Variants in TAF2 observed in about 807,000 individuals in gnomAD.
The protein encoded by TAF2 is transcription initiation factor TFIID subunit 2.
Under a neutral mutation model 138.5 loss-of-function variants are expected in TAF2, and 61 were observed. That is an observed-to-expected ratio of 0.44 (90% CI 0.36 to 0.54). TAF2 has a LOEUF of 0.54. TAF2 is among the 20% of genes least tolerant of loss of function. The pLI, the probability that TAF2 is intolerant of heterozygous loss-of-function variation, is 0.00. For missense variants in TAF2, 1,090 were observed against 1,427.9 expected, an observed-to-expected ratio of 0.76 and a Z score of 3.81; for synonymous variants, 475 against 469.9, an observed-to-expected ratio of 1.01 and a Z score of -0.14.
At chr8:119,827,361 A>G (rs1251743943) in intron 2 of TAF2, among the ~76,000 whole-genome samples, 3 of 152,178 alleles carry the variant, frequency 2.0e-5, no homozygotes, top group Admixed American at 6.5e-5. Context: ...TTCTCTCACC[A>G]TCCTTTATCT....
At chr8:119,757,961 G>C (rs549266777) in intron 21 of TAF2, 112 bp downstream of exon 21, 1 of 883,058 alleles carries the variant, frequency 1.1e-6, no homozygotes, top group African/African-American at 1.7e-5. Context: ...AAATGCAAAA[G>C]ATATTCCCAT....
In TAF2 at chr8:119,756,084, G is replaced by A; in HGVS notation, c.2800C>T (p.Pro934Ser). Residue 934 changes from proline (P) to serine (S), a missense_variant, in exon 22 of 26, where the codon CCA (proline) becomes TCA (serine). By Grantham distance (74) the Pro-to-Ser change is moderately conservative (BLOSUM62 -1). Around this residue, in one of 3 missense-constraint regions of TAF2, gnomAD observed 580 missense variants for 719.6 expected, o/e 0.81. Coordinates refer to ENST00000378164, the MANE Select transcript of TAF2 (RefSeq NM_003184.4). ...GACTCCATGTTCTTAGTAAATGGTGGGTTCTTAGTCAACATGTTGAGAATC... is the reference window on the plus strand; with the variant it reads ...GACTCCATGTTCTTAGTAAATGGTGAGTTCTTAGTCAACATGTTGAGAATC... ...HKILNMLTKN[P>S]PFTKNMESPL... 6.2e-7 allele frequency: 1 copy of A among 1,613,434 alleles called. No individual in the cohort carries two copies. Among genetic ancestry groups the A allele is most frequent in the African/African-American group, 1.3e-5 (1 of 74,966 alleles).
chr8:119,798,378 ACT>A (rs1823982286), intron 6 of TAF2, among the ~76,000 whole-genome samples: 1 of 152,122 alleles, frequency 6.6e-6, no homozygotes, highest in South Asian at 2.1e-4. Flanking sequence ...AGAAATAGTA[ACT>A]CTGTTTTTTT....
At chr8:119,781,369 C>T (rs549358902) in intron 16 of TAF2, among the ~76,000 whole-genome samples, 176 bp from the exon 17 acceptor site, 88 of 152,230 alleles carry the variant, frequency 5.8e-4, no homozygotes, top group South Asian at 2.5e-3. Context: ...ATTATACAAA[C>T]TCACCCTGCA....
intron 25 of TAF2, among the ~76,000 whole-genome samples, chr8:119,741,107 T>G (rs1819577240): frequency 6.6e-6 from 1 of 151,838 alleles, no homozygotes; most frequent in African/African-American, 2.4e-5. Context: ...AAGAAAGAAC[T>G]GAAAAAAAGT....
chr8:119,744,561 T>A, intron 23 of TAF2, 168 bp from the exon 24 acceptor site: 1 of 657,056 alleles, frequency 1.5e-6, no homozygotes, highest in South Asian at 1.8e-5. Context: ...AAGAAAAGAT[T>A]ATGTGGTCCA....
At chr8:119,773,345 T>A (rs1364175041) in intron 18 of TAF2, among the ~76,000 whole-genome samples, 1 of 151,560 alleles carries the variant, frequency 6.6e-6, no homozygotes. Context: ...AAAGTTGATA[T>A]ACTTTCCATA....
intron 22 of TAF2, among the ~76,000 whole-genome samples, chr8:119,753,384 G>A (rs1044973165): frequency 6.6e-6 from 1 of 151,994 alleles, no homozygotes; most frequent in African/African-American, 2.4e-5. Flanking sequence ...CAAAGGTTCA[G>A]GCTTGGAAAG....
chr8:119,774,476 TG>T (rs1410997086), intron 18 of TAF2, among the ~76,000 whole-genome samples: 2 of 72,906 alleles, frequency 2.7e-5, no homozygotes, highest in African/African-American at 1.2e-4. Flanking sequence ...TAAAATATTG[TG>T]ATTTTTTTTT....
At chr8:119,768,378 C>T (rs1821590077) in intron 18 of TAF2, among the ~76,000 whole-genome samples, 2 of 152,238 alleles carry the variant, frequency 1.3e-5, no homozygotes, top group African/African-American at 4.8e-5. Context: ...TCTTCCTTTA[C>T]ACACTGCATT....
At position 119,783,533 on chromosome 8, in the gene TAF2, G is replaced by A. The variant is rs61756214; in HGVS notation, c.1960C>T (p.Arg654Cys). ...QADFMWQYQL[R>C]YERDVVAQQE... The stretch of plus-strand genomic sequence containing the variant: ...TGTGCAACAACATCTCTCTCATAGC[G>A]GAGCTGATACTGCCACATAAAATCA... The change falls in exon 16 of 26, where the codon CGC (arginine) becomes TGC (cysteine). Residue 654 changes from arginine to cysteine, a missense_variant. Transcript: ENST00000378164. 4 of 1,614,012 alleles carry A rather than the reference G, an allele frequency of 2.5e-6. No individual in the cohort carries two copies. Among genetic ancestry groups the A allele is most frequent in the Non-Finnish European group, 2.5e-6 (3 of 1,180,034 alleles).
intron 5 of TAF2, among the ~76,000 whole-genome samples, chr8:119,803,335 T>C (rs1189186003): frequency 6.6e-6 from 1 of 152,098 alleles, no homozygotes; most frequent in East Asian, 1.9e-4. Context: ...AAAGAAGGAA[T>C]CAAGTGAGAT....
intron 22 of TAF2, among the ~76,000 whole-genome samples, chr8:119,753,013 GAATCCTCATTACCATTTCTTAAAAC>G (rs1220832452): frequency 1.3e-5 from 2 of 152,118 alleles, no homozygotes; most frequent in African/African-American, 2.4e-5. Flanking sequence ...TGTTATTGAT[GAATCCTCATTACCATTTCTTAAAAC>G]AATCCTCATT....
chr8:119,830,914 T>C (rs1398972861), intron 2 of TAF2, among the ~76,000 whole-genome samples: 1 of 152,152 alleles, frequency 6.6e-6, no homozygotes, highest in Non-Finnish European at 1.5e-5. Context: ...GAGACCAGCC[T>C]GGCCAACATG....
chr8:119,831,984 CCG>C (rs1826479411), intron 1 of TAF2, among the ~76,000 whole-genome samples: 1 of 151,992 alleles, frequency 6.6e-6, no homozygotes, highest in Admixed American at 6.6e-5. Flanking sequence ...CAGAGTGAAA[CCG>C]AGTCTCTACT....
At chr8:119,746,373 CAAAAAAAAAAAAAAAAAAAA>C (rs11392436) in intron 23 of TAF2, among the ~76,000 whole-genome samples, 1 of 54,322 alleles carries the variant, frequency 1.8e-5, no homozygotes. Context: ...AACTCTGTCT[CAAAAAAAAAAAAAAAAAAAA>C]AAAAGGTTAT....
At chr8:119,750,876 TAATA>T (rs1370526410) in intron 22 of TAF2, among the ~76,000 whole-genome samples, 14 of 152,258 alleles carry the variant, frequency 9.2e-5, no homozygotes, top group African/African-American at 3.1e-4. Flanking sequence ...CTTGAACAAT[TAATA>T]TTTTTATGTC....
rs767191642 is a variant in TAF2, at chr8:119,744,298, C to T, written c.3204G>A (p.Pro1068=). 2.1e-5 allele frequency: 34 copies of T among 1,613,444 alleles called. No individual in the cohort carries two copies. Among genetic ancestry groups the T allele is most frequent in the South Asian group, 4.4e-5 (4 of 91,070 alleles). The change falls in exon 24 of 26, where the codon CCG becomes CCA. Residue 1068 remains proline (P), a synonymous_variant. Coordinates refer to ENST00000378164, the MANE Select transcript of TAF2 (RefSeq NM_003184.4). ...GAATACTAATCTTACCTGGAGTTGA[C>T]GGCCTTTCAAGCATGTTTAAATGAT... The part of the protein sequence containing the change: ...ISHHLNMLER[P]STPGLSKYRP...
At chr8:119,802,655 G>A (rs1351344721) in intron 5 of TAF2, among the ~76,000 whole-genome samples, 1 of 152,200 alleles carries the variant, frequency 6.6e-6, no homozygotes, top group Non-Finnish European at 1.5e-5. Context: ...GCTGACACCT[G>A]TAATCCCAGC....
Sources: gnomAD v4.1 joint callset for allele counts (sites outside exome capture counted in the v4.1 genomes callset) on GRCh38, gnomAD v4.1.1 for gene constraint, gnomAD v4.1.1 regional missense constraint, MANE v1.5 for transcripts, NCBI Gene and HGNC (gene_info 2026-07-23, HGNC 2026-07-21) for gene names.